CYP2C19: variants seen among roughly 807,000 people sequenced by gnomAD.
CYP2C19 encodes cytochrome P450 2C19.
CYP2C19 carries 59 observed loss-of-function variants against 40.9 expected under a neutral mutation model. The observed-to-expected ratio is 1.44, with a 90% CI of 1.17 to 1.79. The LOEUF (loss-of-function observed/expected upper bound fraction) is 1.79. Ranked by LOEUF, CYP2C19 falls within the 40% of genes most tolerant of loss-of-function variation. CYP2C19 has a pLI of 0.00. For missense variants in CYP2C19, 754 were observed against 596.9 expected (o/e 1.26, Z -2.74); for synonymous variants, 253 against 208.7 (o/e 1.21, Z -1.83).
chr10:94,822,596 G>A (rs1849143173), intron 6 of CYP2C19, among the ~76,000 whole-genome samples: 1 of 152,072 alleles, frequency 6.6e-6, no homozygotes, highest in South Asian at 2.1e-4. Context: ...CTCAATAGTT[G>A]GATTGCTGGG....
intron 5 of CYP2C19, among the ~76,000 whole-genome samples, chr10:94,791,430 C>T (rs1434235669): frequency 6.6e-6 from 1 of 152,072 alleles, no homozygotes; most frequent in Non-Finnish European, 1.5e-5. Flanking sequence ...TTTGCTCTTG[C>T]TTCTCTAGTT....
At chr10:94,845,573 T>C (rs1029947072) in intron 7 of CYP2C19, among the ~76,000 whole-genome samples, 1 of 152,170 alleles carries the variant, frequency 6.6e-6, no homozygotes, top group Admixed American at 6.6e-5. Flanking sequence ...AGACTGAGTT[T>C]TAACTTTCCC....
chr10:94,841,795 T>C (rs1460076369), intron 6 of CYP2C19, among the ~76,000 whole-genome samples: 1 of 152,220 alleles, frequency 6.6e-6, no homozygotes. Flanking sequence ...TTTACTTGTG[T>C]AGTTTCCAAA....
At chr10:94,801,007 C>A (rs1397662505) in intron 5 of CYP2C19, among the ~76,000 whole-genome samples, 8 of 152,294 alleles carry the variant, frequency 5.3e-5, no homozygotes, top group Admixed American at 5.2e-4. Context: ...TTCTTCAGCT[C>A]ACCCTCCATG....
chr10:94,823,065 AATAATAAATCAGTACAGAGAGG>A (rs1849154631), intron 6 of CYP2C19, among the ~76,000 whole-genome samples: 1 of 152,176 alleles, frequency 6.6e-6, no homozygotes, highest in African/African-American at 2.4e-5. Flanking sequence ...CAAATGGAGG[AATAATAAATCAGTACAGAGAGG>A]ATAAACTTGT....
In CYP2C19 at chr10:94,853,161, T is replaced by A; in HGVS notation, c.*247T>A. 2.0e-6 allele frequency: 1 copy of A among 492,622 alleles called. No homozygotes were observed. Among genetic ancestry groups the A allele is most frequent in the Non-Finnish European group, 3.6e-6 (1 of 281,052 alleles). The allele number at this position is 492,622 out of a possible 1,614,324, so 30.5% of individuals were successfully genotyped here. A position where few individuals can be genotyped will look rare whatever the true frequency, so the allele number is the denominator to read the frequency against. Reference sequence around the variant, plus strand: ...TGATACTTGTCTAATGTTGAGTTATTAACATATTATTATTAAATAGAGAAA... The same window carrying A: ...TGATACTTGTCTAATGTTGAGTTATAAACATATTATTATTAAATAGAGAAA... On this transcript the variant is annotated 3_prime_UTR_variant, in exon 9 of 9. Coordinates refer to ENST00000371321, the MANE Select transcript of CYP2C19 (RefSeq NM_000769.4).
intron 6 of CYP2C19, among the ~76,000 whole-genome samples, chr10:94,826,890 G>T (rs1849234516): frequency 6.6e-6 from 1 of 152,058 alleles, no homozygotes. Context: ...TTTTGTCAAA[G>T]GCCTTTTCTG....
chr10:94,791,938 G>A (rs1259728902), intron 5 of CYP2C19, among the ~76,000 whole-genome samples: 2 of 151,652 alleles, frequency 1.3e-5, no homozygotes, highest in Admixed American at 6.6e-5. Flanking sequence ...TTTCTGTCTC[G>A]ATCTGTCAAA....
At chr10:94,852,471 C>T (rs530836938) in intron 8 of CYP2C19, among the ~76,000 whole-genome samples, 4 of 152,166 alleles carry the variant, frequency 2.6e-5, no homozygotes, top group Non-Finnish European at 5.9e-5. Flanking sequence ...ATACATGGTG[C>T]TTGATAAGAT....
Position 94,796,211 on chromosome 10 carries a change from C to A in CYP2C19, c.819+14214C>A, listed in dbSNP as rs187748598. 3.1e-3 allele frequency among the ~76,000 whole-genome samples: 477 copies of A among 152,188 alleles called. 3 individuals carry two copies. Among genetic ancestry groups the A allele is most frequent in the African/African-American group, 0.011 (452 of 41,558 alleles). On this transcript the variant is annotated intron_variant, in intron 5 of 8. Coordinates refer to ENST00000371321, the MANE Select transcript of CYP2C19 (RefSeq NM_000769.4). ...GGAAGGGATCCAGTTTCAGCTTTCTCCATATGGCTAGCCAGTTTTCCCAGC... is the reference window on the plus strand; with the variant it reads ...GGAAGGGATCCAGTTTCAGCTTTCTACATATGGCTAGCCAGTTTTCCCAGC...
intron 1 of CYP2C19, among the ~76,000 whole-genome samples, chr10:94,770,260 T>A (rs1319911334): frequency 6.6e-6 from 1 of 152,172 alleles, no homozygotes; most frequent in Non-Finnish European, 1.5e-5. Context: ...CATTGCACTC[T>A]GGGGAAGTGT....
At chr10:94,811,844 G>A (rs1466907581) in intron 5 of CYP2C19, among the ~76,000 whole-genome samples, 1 of 151,960 alleles carries the variant, frequency 6.6e-6, no homozygotes, top group African/African-American at 2.4e-5. Context: ...GCCAGTCTGT[G>A]TCTTTTAATT....
At chr10:94,798,164 G>A (rs752441962) in intron 5 of CYP2C19, among the ~76,000 whole-genome samples, 3 of 152,102 alleles carry the variant, frequency 2.0e-5, no homozygotes, top group Non-Finnish European at 4.4e-5. Context: ...TGCTTTAAAT[G>A]TGTCCCAGAG....
chr10:94,795,111 C>T (rs1376906821), intron 5 of CYP2C19, among the ~76,000 whole-genome samples: 1 of 150,962 alleles, frequency 6.6e-6, no homozygotes, highest in Non-Finnish European at 1.5e-5. Flanking sequence ...CCCATTAACT[C>T]ATCATTTACA....
chr10:94,779,589 T>C (rs1848456866), intron 3 of CYP2C19, among the ~76,000 whole-genome samples: 1 of 150,670 alleles, frequency 6.6e-6, no homozygotes, highest in South Asian at 2.1e-4. Flanking sequence ...TGAGTTGGAG[T>C]CTCACTCTTT....
At position 94,847,840 on chromosome 10, in the gene CYP2C19, A is replaced by G. The variant is rs1187429533; in HGVS notation, c.1150-2077A>G. ...TTTGTGATGGCCAGTGATGATGAGC[A>G]TTTTTTCAAGTGCTTTTGGCTGCAT... On this transcript the variant is annotated intron_variant, in intron 7 of 8. Coordinates refer to ENST00000371321, the MANE Select transcript of CYP2C19 (RefSeq NM_000769.4). Among the ~76,000 whole-genome samples, 3 of 152,120 alleles carry G rather than the reference A, an allele frequency of 2.0e-5. No individual in the cohort carries two copies. In the East Asian group the frequency reaches 5.8e-4, roughly 29 times the overall value.
chr10:94,823,964 A>G (rs1849170336), intron 6 of CYP2C19, among the ~76,000 whole-genome samples: 1 of 152,206 alleles, frequency 6.6e-6, no homozygotes, highest in Non-Finnish European at 1.5e-5. Flanking sequence ...CAGAAGTGAG[A>G]TGAGACAGCA....
At chr10:94,834,509 C>A (rs1008289218) in intron 6 of CYP2C19, among the ~76,000 whole-genome samples, 3 of 149,770 alleles carry the variant, frequency 2.0e-5, no homozygotes, top group Admixed American at 6.7e-5. Context: ...CTGCTCTGAT[C>A]TTTATTATTT....
chr10:94,811,568 T>C (rs1214846371), intron 5 of CYP2C19, among the ~76,000 whole-genome samples: 1 of 152,192 alleles, frequency 6.6e-6, no homozygotes, highest in African/African-American at 2.4e-5. Flanking sequence ...GGTGCTCCTG[T>C]ATTGGGTGTG....
Sources: allele counts gnomAD v4.1 joint callset (sites outside exome capture counted in the v4.1 genomes callset), GRCh38; gene constraint gnomAD v4.1.1; transcripts MANE v1.5; gene names NCBI Gene and HGNC (gene_info 2026-07-23, HGNC 2026-07-21).